The following RHOBTB3 variants were observed in gnomAD, a reference collection of about 807,000 sequenced individuals.
RHOBTB3 encodes the protein rho-related BTB domain-containing protein 3.
In RHOBTB3, 47 loss-of-function variants were observed where a neutral mutation model predicts 67.2. That is an observed-to-expected ratio of 0.70 (90% CI 0.55 to 0.89). The LOEUF (loss-of-function observed/expected upper bound fraction) is 0.89, where lower values mean the gene tolerates loss of function less well. Among genes scored for constraint, RHOBTB3 ranks in the 40% least tolerant of loss-of-function variants. RHOBTB3 has a pLI of 0.00. For synonymous variants in RHOBTB3, 273 were observed against 274.2 expected (o/e 1.00, Z 0.04); for missense variants, 631 against 750.0 (o/e 0.84, Z 1.85).
intron 6 of RHOBTB3, among the ~76,000 whole-genome samples, chr5:95,761,974 C>A (rs1745407407): frequency 6.6e-6 from 1 of 152,180 alleles, no homozygotes; most frequent in Admixed American, 6.5e-5. Context: ...AAACAGAAAT[C>A]ATAGAGCTCT....
chr5:95,745,854 C>G (rs1335301832), intron 3 of RHOBTB3, among the ~76,000 whole-genome samples: 1 of 151,906 alleles, frequency 6.6e-6, no homozygotes, highest in Non-Finnish European at 1.5e-5. Context: ...ACTGCTATAA[C>G]CAATACAAGC....
intron 3 of RHOBTB3, among the ~76,000 whole-genome samples, chr5:95,743,672 T>TC (rs1391941640): frequency 7.6e-6 from 1 of 130,970 alleles, no homozygotes; most frequent in African/African-American, 2.8e-5. Context: ...CCTTCTTTCC[T>TC]CCCCTCTTCC....
intron 3 of RHOBTB3, among the ~76,000 whole-genome samples, chr5:95,739,706 C>T (rs2112779890): frequency 6.6e-6 from 1 of 152,236 alleles, no homozygotes; most frequent in Admixed American, 6.5e-5. Flanking sequence ...CACGTGCCAC[C>T]ACACCCAGCC....
At chr5:95,775,721 A>G (rs1471150993) in intron 8 of RHOBTB3, among the ~76,000 whole-genome samples, 4 of 152,102 alleles carry the variant, frequency 2.6e-5, no homozygotes, top group African/African-American at 9.7e-5. Context: ...TGGGGGCTGT[A>G]AATGGGAATA....
At chr5:95,721,827 G>A (rs184312982) in intron 1 of RHOBTB3, among the ~76,000 whole-genome samples, 8 of 152,186 alleles carry the variant, frequency 5.3e-5, no homozygotes, top group Admixed American at 4.6e-4. Context: ...ATTGTTAAAT[G>A]TTTCAGCTAG....
chr5:95,785,454 T>C (rs1746196196), intron 10 of RHOBTB3, among the ~76,000 whole-genome samples: 1 of 151,710 alleles, frequency 6.6e-6, no homozygotes, highest in Admixed American at 6.6e-5. Flanking sequence ...ATTAGCTGGG[T>C]ATAGTGGCGG....
chr5:95,723,754 T>C (rs912126759), intron 1 of RHOBTB3, among the ~76,000 whole-genome samples: 1 of 152,180 alleles, frequency 6.6e-6, no homozygotes, highest in African/African-American at 2.4e-5. Flanking sequence ...CTTACCACAG[T>C]AGCCAGCCCC....
At chr5:95,766,553 A>G (rs1745548140) in intron 7 of RHOBTB3, among the ~76,000 whole-genome samples, 1 of 151,514 alleles carries the variant, frequency 6.6e-6, no homozygotes, top group Admixed American at 6.6e-5. Context: ...ACCTGAAAAT[A>G]TTCAGGCTTG....
chr5:95,782,779 C>T (rs1374697004), intron 9 of RHOBTB3: 3 of 139,958 alleles, frequency 2.1e-5, no homozygotes, highest in Non-Finnish European at 3.0e-5. Flanking sequence ...CACTGCATTC[C>T]AGCCTGGACG....
chr5:95,724,153 CA>C (rs1754980981), intron 1 of RHOBTB3, among the ~76,000 whole-genome samples: 1 of 152,106 alleles, frequency 6.6e-6, no homozygotes, highest in Non-Finnish European at 1.5e-5. Context: ...CTTCATGACA[CA>C]GCAATACAGT....
chr5:95,721,344 A>G (rs28495985), intron 1 of RHOBTB3, among the ~76,000 whole-genome samples: 2,203 of 152,286 alleles, frequency 0.014, 51 homozygotes, highest in African/African-American at 0.051. Context: ...ATGTAGATGG[A>G]GAGTGTCCTT....
rs1755236338 is a variant in RHOBTB3 at position 95,731,344 on chromosome 5, G to A, written c.-339G>A. On this transcript the variant is annotated 5_prime_UTR_variant, in exon 1 of 12. Transcript: ENST00000379982. Reference sequence around the variant, plus strand: ...GGAGCAGCGGCAGCGGCAGCAGGAGGCGACAGCTGCCAGCCGAGGAGGCGC... The same window carrying A: ...GGAGCAGCGGCAGCGGCAGCAGGAGACGACAGCTGCCAGCCGAGGAGGCGC... The A allele has an allele frequency of 1.8e-6, 2 of 1,115,794 alleles. No individual in the cohort carries two copies. The highest frequency in any genetic ancestry group is 5.1e-5 in the Admixed American group (1 of 19,588). The allele number at this position is 1,115,794 out of a possible 1,614,324, so 69.1% of individuals were successfully genotyped here. A position where few individuals can be genotyped will look rare whatever the true frequency, so the allele number is the denominator to read the frequency against.
At chr5:95,765,752 C>T (rs1745523570) in intron 7 of RHOBTB3, among the ~76,000 whole-genome samples, 1 of 152,214 alleles carries the variant, frequency 6.6e-6, no homozygotes, top group South Asian at 2.1e-4. Context: ...AGCTCCGCCT[C>T]CCGGGTTCAT....
chr5:95,772,393 A>T (rs1745741613), intron 8 of RHOBTB3, among the ~76,000 whole-genome samples: 1 of 152,164 alleles, frequency 6.6e-6, no homozygotes, highest in African/African-American at 2.4e-5. Context: ...CCAGTCTCTT[A>T]ACATTTGCAC....
chr5:95,780,301 G>A lies in RHOBTB3; in HGVS notation c.1332G>A (p.Val444=). The A allele has an allele frequency of 6.2e-7, 1 of 1,614,002 alleles. No homozygotes were observed. The highest frequency in any genetic ancestry group is 8.5e-7 in the Non-Finnish European group (1 of 1,179,880). Residue 444 remains valine, a synonymous_variant, in exon 9 of 12, where the codon GTG becomes GTA. Transcript: ENST00000379982. ...CCATCCTGGTGGCCCGTTGTGAAGTGATGGCAGCCATGTTTAATGGTAATT... is the reference window on the plus strand; with the variant it reads ...CCATCCTGGTGGCCCGTTGTGAAGTAATGGCAGCCATGTTTAATGGTAATT... ...HRAILVARCE[V]MAAMFNGNYM...
chr5:95,783,950 T>C lies in RHOBTB3; in HGVS notation c.1610T>C (p.Leu537Pro). ...ATGAACCTTGATATAGTTGACCTGC[T>C]TAAAAAGGCCAAGGTAATTGACTCT... Reference protein sequence around the residue: ...ASMNLDIVDLLKKAKFHHSDC... With the variant: ...ASMNLDIVDLPKKAKFHHSDC... Residue 537 changes from leucine (L) to proline (P), a missense_variant, in exon 10 of 12, where the codon CTT (leucine) becomes CCT (proline). Transcript: ENST00000379982. 1 of 1,612,250 alleles carries C rather than the reference T, an allele frequency of 6.2e-7. No individual in the cohort carries two copies. The highest frequency in any genetic ancestry group is 2.2e-5 in the East Asian group (1 of 44,872).
rs981114184 is a variant in RHOBTB3 at position 95,794,059 on chromosome 5, G to A, written c.*885G>A. On this transcript the variant is annotated 3_prime_UTR_variant, in exon 12 of 12. Coordinates refer to ENST00000379982, the MANE Select transcript of RHOBTB3 (RefSeq NM_014899.4). ...TAAAGGGAAGAGAAGGAGGCTCACCGGAGGGAAGAGAACATAGTGAAGATT... is the reference window on the plus strand; with the variant it reads ...TAAAGGGAAGAGAAGGAGGCTCACCAGAGGGAAGAGAACATAGTGAAGATT... The A allele has an allele frequency of 8.8e-6, 4 of 456,126 alleles. No individual in the cohort carries two copies. The highest frequency in any genetic ancestry group is 2.0e-5 in the African/African-American group (1 of 50,066). 28.3% of individuals were successfully genotyped at this position (456,126 alleles called of 1,614,324 possible). A position where few individuals can be genotyped will look rare whatever the true frequency, so the allele number is the denominator to read the frequency against.
chr5:95,790,896 G>T (rs1474435828), intron 11 of RHOBTB3, among the ~76,000 whole-genome samples: 1 of 152,174 alleles, frequency 6.6e-6, no homozygotes, highest in Non-Finnish European at 1.5e-5. Context: ...ACCATATTTT[G>T]GCTTCTTTTG....
chr5:95,784,231 G>C (rs1746153275), intron 10 of RHOBTB3, among the ~76,000 whole-genome samples: 1 of 152,128 alleles, frequency 6.6e-6, no homozygotes. Context: ...AGAGTCATTT[G>C]AATGTGGTGC....
Sources: gnomAD v4.1 joint callset for allele counts (sites outside exome capture counted in the v4.1 genomes callset) on GRCh38, gnomAD v4.1.1 for gene constraint, MANE v1.5 for transcripts, NCBI Gene and HGNC (gene_info 2026-07-23, HGNC 2026-07-21) for gene names.